The following WRNIP1 variants were observed in gnomAD, a reference collection of about 807,000 sequenced individuals.
WRNIP1 encodes WRN helicase interacting protein 1, also known as ATPase WRNIP1.
Under a neutral mutation model 56.1 loss-of-function variants are expected in WRNIP1, and 41 were observed. The ratio of observed to expected loss-of-function variants is 0.73; its 90% CI spans 0.57 to 0.95. WRNIP1 has a LOEUF of 0.95. Among genes scored for constraint, WRNIP1 ranks in the 40% least tolerant of loss-of-function variants. The pLI is 0.00. For synonymous variants in WRNIP1, 547 were observed against 398.1 expected (o/e 1.37, Z -4.45); for missense variants, 1,170 against 939.4 (o/e 1.25, Z -3.21).
Position 2,783,443 on chromosome 6 carries a change from G to A in WRNIP1, c.1524G>A (p.Lys508=). Residue 508 remains lysine (K), a synonymous_variant, in exon 5 of 7, where the codon AAG becomes AAA. Coordinates refer to ENST00000380773, the MANE Select transcript of WRNIP1 (RefSeq NM_020135.3). ...EHYNCISALH[K]SMRGSDQNAS... is the part of the protein sequence containing the mutation. ...ACAACTGCATCTCCGCCCTGCACAAGTCCATGCGGGGCTCAGACCAGAACG... is the reference window on the plus strand; with the variant it reads ...ACAACTGCATCTCCGCCCTGCACAAATCCATGCGGGGCTCAGACCAGAACG... The A allele has an allele frequency of 2.5e-6, 4 of 1,613,178 alleles. No homozygotes were observed. Among genetic ancestry groups the A allele is most frequent in the South Asian group, 1.1e-5 (1 of 90,922 alleles).
At chr6:2,766,737 T>G (rs999738950) in intron 1 of WRNIP1, among the ~76,000 whole-genome samples, 1 of 152,234 alleles carries the variant, frequency 6.6e-6, no homozygotes, top group Non-Finnish European at 1.5e-5. Flanking sequence ...TGATCTGCCT[T>G]TATCTTCCAT....
At position 2,766,195 on chromosome 6, in the gene WRNIP1, G is replaced by A; in HGVS notation, c.573G>A (p.Ala191=). 7.1e-7 allele frequency: 1 copy of A among 1,402,270 alleles called. No homozygotes were observed. Among genetic ancestry groups the A allele is most frequent in the Non-Finnish European group, 9.3e-7 (1 of 1,078,772 alleles). The allele number at this position is 1,402,270 out of a possible 1,614,324, so 86.9% of individuals were successfully genotyped here. The change falls in exon 1 of 7, where the codon GCG becomes GCA. Residue 191 remains alanine, a synonymous_variant. Coordinates refer to ENST00000380773, the MANE Select transcript of WRNIP1 (RefSeq NM_020135.3). ...AGGACGACCCGGGGCACTGGGACGC[G>A]GACGCTGCCGAAGCCGCCACCGCCT... ...DGEDDPGHWD[A]DAAEAATAFG... is the part of the protein sequence containing the mutation.
intron 3 of WRNIP1, among the ~76,000 whole-genome samples, chr6:2,777,877 G>C (rs1031380741): frequency 3.3e-5 from 5 of 152,162 alleles, no homozygotes; most frequent in African/African-American, 1.2e-4. Context: ...CTGCACCACT[G>C]GCTCTGGGGC....
intron 3 of WRNIP1, among the ~76,000 whole-genome samples, chr6:2,770,655 C>T (rs564466867): frequency 1.3e-5 from 2 of 152,264 alleles, no homozygotes; most frequent in African/African-American, 4.8e-5. Flanking sequence ...GCTTAGGCTT[C>T]TATGGGAAGC....
chr6:2,770,482 C>G lies in WRNIP1; in HGVS notation c.1256+121C>G, dbSNP rs551687229. Reference sequence around the variant, plus strand: ...TGGGGACAGAGAAGAAATGTTGATCCGCCCGTAATGAAAATAAAAGAGGAG... The same window carrying G: ...TGGGGACAGAGAAGAAATGTTGATCGGCCCGTAATGAAAATAAAAGAGGAG... On this transcript the variant is annotated intron_variant, in intron 3 of 6. Coordinates refer to ENST00000380773, the MANE Select transcript of WRNIP1 (RefSeq NM_020135.3). 1.8e-5 allele frequency: 24 copies of G among 1,363,020 alleles called. No homozygotes were observed. In the Admixed American group the frequency reaches 3.7e-4, roughly 21 times the overall value. The allele number at this position is 1,363,020 out of a possible 1,614,324, so 84.4% of individuals were successfully genotyped here.
At chr6:2,774,515 G>T (rs936239161) in intron 3 of WRNIP1, among the ~76,000 whole-genome samples, 1 of 152,102 alleles carries the variant, frequency 6.6e-6, no homozygotes. Context: ...TCTGTGTTTT[G>T]TAAGGACATT....
intron 1 of WRNIP1, among the ~76,000 whole-genome samples, chr6:2,767,744 C>G (rs1347124653): frequency 6.6e-6 from 1 of 152,176 alleles, no homozygotes; most frequent in South Asian, 2.1e-4. Flanking sequence ...CTTAGGGAGA[C>G]GAGTGGGTGA....
Position 2,765,912 on chromosome 6 carries a change from A to G in WRNIP1, c.290A>G (p.Glu97Gly). 1 of 1,454,530 alleles carries G rather than the reference A, an allele frequency of 6.9e-7. No individual in the cohort carries two copies. The highest frequency in any genetic ancestry group is 9.1e-7 in the Non-Finnish European group (1 of 1,104,930). The allele number at this position is 1,454,530 out of a possible 1,614,324, so 90.1% of individuals were successfully genotyped here. Residue 97 changes from glutamate (E) to glycine (G), a missense_variant, in exon 1 of 7, where the codon GAG (glutamate) becomes GGG (glycine). Transcript: ENST00000380773. ...TAAESSEGEG[E>G]EGDDGGETES... ...GCCGAGAGCAGCGAGGGCGAGGGTG[A>G]GGAGGGCGACGACGGCGGCGAGACC...
intron 3 of WRNIP1, chr6:2,773,217 C>G (rs774410792): frequency 3.5e-5 from 34 of 985,290 alleles, no homozygotes; most frequent in Non-Finnish European, 4.0e-5. Context: ...AGTTATTATT[C>G]AGTCAAAATT....
At chr6:2,777,664 A>G (rs912591569) in intron 3 of WRNIP1, among the ~76,000 whole-genome samples, 15 of 152,150 alleles carry the variant, frequency 9.9e-5, no homozygotes, top group African/African-American at 3.6e-4. Context: ...CCTTCCCCAT[A>G]CATTTTCTTT....
chr6:2,785,208 A>G lies in WRNIP1; in HGVS notation c.1924A>G (p.Ser642Gly), dbSNP rs1263593691. The G allele has an allele frequency of 1.9e-5, 31 of 1,614,092 alleles. No homozygotes were observed. The highest frequency in any genetic ancestry group is 1.6e-4 in the Middle Eastern group (1 of 6,084). The change falls in exon 7 of 7, where the codon AGC becomes GGC. Residue 642 changes from serine (S) to glycine (G), a missense_variant. Ser to Gly is a moderately conservative substitution (Grantham distance 56, BLOSUM62 0). Transcript: ENST00000380773. ...GKGYKYNPMY[S>G]EPVDQEYLPE... ...AGGCTACAAGTACAACCCCATGTAC[A>G]GCGAGCCTGTGGATCAGGAGTACCT...
rs1215960471 is a variant in WRNIP1, at chr6:2,765,597, G to C, written c.-26G>C. ...GCGCACGGGTTGCTGCGGCCGCGCC[G>C]GGCGCCGGGGAGGGCGGCGGCCGCC... On this transcript the variant is annotated 5_prime_UTR_variant, in exon 1 of 7. Transcript: ENST00000380773. The C allele has an allele frequency of 1.4e-6, 2 of 1,481,434 alleles. No individual in the cohort carries two copies. The highest frequency in any genetic ancestry group is 2.5e-5 in the South Asian group (2 of 80,136). The allele number at this position is 1,481,434 out of a possible 1,614,324, so 91.8% of individuals were successfully genotyped here.
intron 3 of WRNIP1, among the ~76,000 whole-genome samples, chr6:2,772,458 T>C (rs759744339): frequency 6.6e-6 from 1 of 152,236 alleles, no homozygotes; most frequent in African/African-American, 2.4e-5. Context: ...GCACACATTA[T>C]GTGCTTTGTG....
At chr6:2,784,699 C>T (rs923311049) in intron 6 of WRNIP1, among the ~76,000 whole-genome samples, 1 of 152,200 alleles carries the variant, frequency 6.6e-6, no homozygotes, top group East Asian at 1.9e-4. Flanking sequence ...TCTGCAAGTT[C>T]GCCCCCAGAG....
rs1209233250 is a variant in WRNIP1, at chr6:2,765,806, A to C, written c.184A>C (p.Lys62Gln). The change falls in exon 1 of 7, where the codon AAG (lysine) becomes CAG (glutamine). Residue 62 changes from lysine to glutamine, a missense_variant. By Grantham distance (53) the Lys-to-Gln change is moderately conservative. Transcript: ENST00000380773. ...GTCGCACCGCGCCGGGGAGCGGGCC[A>C]AGGGGCCCTCGCCGCCCGGCGCCAA... Reference protein sequence around the residue: ...AGSHRAGERAKGPSPPGAKRR... With the variant: ...AGSHRAGERAQGPSPPGAKRR... 2 of 1,369,658 alleles carry C rather than the reference A, an allele frequency of 1.5e-6. No individual in the cohort carries two copies. The allele number at this position is 1,369,658 out of a possible 1,614,324, so 84.8% of individuals were successfully genotyped here. A position where few individuals can be genotyped will look rare whatever the true frequency, so the allele number is the denominator to read the frequency against.
chr6:2,770,485 C>A, intron 3 of WRNIP1, 124 bp downstream of exon 3: 2 of 1,350,424 alleles, frequency 1.5e-6, no homozygotes, highest in Non-Finnish European at 2.0e-6. Context: ...GTTGATCCGC[C>A]CGTAATGAAA....
chr6:2,766,197 A>C lies in WRNIP1; in HGVS notation c.575A>C (p.Asp192Ala). ...GEDDPGHWDADAAEAATAFGA... is the reference protein window; with the variant it reads ...GEDDPGHWDAAAAEAATAFGA... The stretch of plus-strand genomic sequence containing the variant: ...GACGACCCGGGGCACTGGGACGCGG[A>C]CGCTGCCGAAGCCGCCACCGCCTTC... Residue 192 changes from aspartate to alanine, a missense_variant, in exon 1 of 7, where the codon GAC (aspartate) becomes GCC (alanine). Transcript: ENST00000380773. 2 of 1,406,466 alleles carry C rather than the reference A, an allele frequency of 1.4e-6. No homozygotes were observed. Among genetic ancestry groups the C allele is most frequent in the Non-Finnish European group, 1.9e-6 (2 of 1,080,632 alleles). The allele number at this position is 1,406,466 out of a possible 1,614,324, so 87.1% of individuals were successfully genotyped here.
intron 1 of WRNIP1, among the ~76,000 whole-genome samples, chr6:2,766,917 T>A (rs947083852): frequency 5.3e-5 from 8 of 152,248 alleles, no homozygotes; most frequent in Admixed American, 2.0e-4. Context: ...TTCCACTAGT[T>A]GTTGGTTTAA....
At chr6:2,768,152 T>G (rs1325697089) in intron 1 of WRNIP1, among the ~76,000 whole-genome samples, 1 of 152,098 alleles carries the variant, frequency 6.6e-6, no homozygotes, top group Non-Finnish European at 1.5e-5. Context: ...CCTACCAGAG[T>G]GAACATGCAG....
Sources: gnomAD v4.1 joint callset for allele counts (sites outside exome capture counted in the v4.1 genomes callset) on GRCh38, gnomAD v4.1.1 for gene constraint, MANE v1.5 for transcripts, NCBI Gene and HGNC (gene_info 2026-07-23, HGNC 2026-07-21) for gene names.